ETV6: variants seen among roughly 807,000 people sequenced by gnomAD.
ETV6 encodes the protein ETS variant transcription factor 6, also known as transcription factor ETV6.
In ETV6, 16 loss-of-function variants were observed where a neutral mutation model predicts 51.1. The observed-to-expected ratio is 0.31, with a 90% CI of 0.21 to 0.48. ETV6 has a LOEUF of 0.48. Ranked by LOEUF, ETV6 falls within the 20% of genes least tolerant of loss-of-function variation. The pLI is 0.99. For missense variants in ETV6, 458 were observed against 594.8 expected (o/e 0.77, Z 2.39); for synonymous variants, 240 against 224.1 (o/e 1.07, Z -0.64).
intron 1 of ETV6, among the ~76,000 whole-genome samples, chr12:11,749,460 G>A (rs1317133720): frequency 1.3e-5 from 2 of 152,086 alleles, no homozygotes; most frequent in Non-Finnish European, 2.9e-5. Context: ...TGTTGGGGTC[G>A]CACCAGAGAA....
At chr12:11,764,530 G>T (rs750256209) in intron 2 of ETV6, among the ~76,000 whole-genome samples, 3 of 152,208 alleles carry the variant, frequency 2.0e-5, no homozygotes, top group Non-Finnish European at 4.4e-5. Context: ...GTATAAATCT[G>T]AATCCTTAAG....
At chr12:11,752,308 A>G in intron 1 of ETV6, 142 bp from the exon 2 acceptor site, 1 of 799,604 alleles carries the variant, frequency 1.3e-6, no homozygotes, top group Admixed American at 2.2e-5. Context: ...CTACGGAGAG[A>G]GTAAGCCGGA....
intron 1 of ETV6, among the ~76,000 whole-genome samples, chr12:11,701,944 G>A (rs889371167): frequency 3.9e-5 from 6 of 152,190 alleles, no homozygotes; most frequent in Admixed American, 1.3e-4. Flanking sequence ...AGGTTTGTTG[G>A]AAGAATCGCA....
Position 11,883,276 on chromosome 12 carries a change from C to CTTTTTTTT in ETV6, c.1010-1141_1010-1134dup, listed in dbSNP as rs547786286. The stretch of plus-strand genomic sequence containing the variant: ...GGGAAGGTGTACATCATGTCTTCTT[C>CTTTTTTTT]TTTTTTTTTTTTTTTTTTTTTTTTT... On this transcript the variant is annotated intron_variant, in intron 5 of 7. Coordinates refer to ENST00000396373, the MANE Select transcript of ETV6 (RefSeq NM_001987.5). Among the ~76,000 whole-genome samples, 75 of 79,064 alleles carry CTTTTTTTT rather than the reference C, an allele frequency of 9.5e-4. 1 individual carries two copies. The highest frequency in any genetic ancestry group is 3.5e-3 in the East Asian group (9 of 2,582). The allele number at this position is 79,064 out of a possible 152,430, so 51.9% of individuals were successfully genotyped here. A position where few individuals can be genotyped will look rare whatever the true frequency, so the allele number is the denominator to read the frequency against.
chr12:11,708,044 T>C (rs1237948877), intron 1 of ETV6, among the ~76,000 whole-genome samples: 1 of 152,230 alleles, frequency 6.6e-6, no homozygotes, highest in Non-Finnish European at 1.5e-5. Context: ...TATTCTGTTA[T>C]AATTTTGAAT....
chr12:11,890,124 A>ATTATT, intron 7 of ETV6, among the ~76,000 whole-genome samples: 1 of 131,074 alleles, frequency 7.6e-6, no homozygotes, highest in African/African-American at 2.9e-5. Context: ...ATTGTAAAAG[A>ATTATT]TTTTTTTTTT....
At position 11,891,194 on chromosome 12, in the gene ETV6, G is replaced by A. The variant is rs188643374; in HGVS notation, c.*148G>A. On this transcript the variant is annotated 3_prime_UTR_variant, in exon 8 of 8. Coordinates refer to ENST00000396373, the MANE Select transcript of ETV6 (RefSeq NM_001987.5). ...CAGGGACACTTCTCTTGCAGACCAA[G>A]AGGGACCCTGGAGCACCTTAGACAA... The A allele has an allele frequency of 4.6e-4, 285 of 618,132 alleles. 1 individual carries two copies. The African/African-American group carries it at 4.8e-3, about 10-fold the overall frequency. The allele number at this position is 618,132 out of a possible 1,614,324, so 38.3% of individuals were successfully genotyped here.
intron 2 of ETV6, among the ~76,000 whole-genome samples, chr12:11,782,705 C>G (rs894258689): frequency 2.6e-5 from 4 of 152,042 alleles, no homozygotes; most frequent in Admixed American, 2.0e-4. Context: ...TTGGTTATGT[C>G]CTATTTCTCT....
intron 2 of ETV6, among the ~76,000 whole-genome samples, chr12:11,783,039 A>G (rs1945434149): frequency 6.6e-6 from 1 of 152,194 alleles, no homozygotes; most frequent in Non-Finnish European, 1.5e-5. Context: ...GAAAAAAATA[A>G]GTACAAGCCA....
chr12:11,842,716 A>G (rs1946408753), intron 3 of ETV6, among the ~76,000 whole-genome samples: 1 of 152,188 alleles, frequency 6.6e-6, no homozygotes, highest in African/African-American at 2.4e-5. Flanking sequence ...TTTTTGCAAC[A>G]GACATTTTCC....
intron 5 of ETV6, among the ~76,000 whole-genome samples, chr12:11,878,761 G>A (rs1468418680): frequency 6.7e-6 from 1 of 150,290 alleles, no homozygotes; most frequent in African/African-American, 2.4e-5. Context: ...CACACACCTG[G>A]CTGCACTGGA....
Position 11,823,778 on chromosome 12 carries a change from A to G in ETV6, c.164-15362A>G, listed in dbSNP as rs1341188392. On this transcript the variant is annotated intron_variant, in intron 2 of 7. Transcript: ENST00000396373. ...CCGCACCCGGCCAGTAATTCCTTCT[A>G]TTTCGATGTTTCATCTTCACTAGAA... Among the ~76,000 whole-genome samples the G allele has an allele frequency of 3.3e-5, 5 of 151,802 alleles. No individual in the cohort carries two copies. The East Asian group carries it at 9.7e-4, about 29-fold the overall frequency.
chr12:11,877,504 G>A lies in ETV6; in HGVS notation c.1010-6941G>A, dbSNP rs542234543. Among the ~76,000 whole-genome samples, 48 of 152,288 alleles carry A rather than the reference G, an allele frequency of 3.2e-4. 1 individual carries two copies. The South Asian group carries it at 9.5e-3, about 30-fold the overall frequency. ...CATCTGTGCATAAATATCTGTGTTT[G>A]CAGGAAAGAAAAGATAGGGTTGTGG... On this transcript the variant is annotated intron_variant, in intron 5 of 7. Transcript: ENST00000396373.
intron 2 of ETV6, among the ~76,000 whole-genome samples, chr12:11,756,952 G>A (rs575028589): frequency 3.7e-4 from 56 of 152,072 alleles, no homozygotes; most frequent in African/African-American, 1.3e-3. Context: ...TTGACATTGC[G>A]CCATTTGCCC....
At chr12:11,839,335 A>G (rs367639009) in intron 3 of ETV6, 31 bp downstream of exon 3, 4 of 1,590,368 alleles carry the variant, frequency 2.5e-6, no homozygotes, top group East Asian at 2.2e-5. Context: ...CATATGCCCA[A>G]CTTGGAAAGT....
Position 11,891,043 on chromosome 12 carries a change from C to A in ETV6, c.1356C>A (p.Cys452Ter), listed in dbSNP as rs959436466. The change falls in exon 8 of 8, where the codon TGC (cysteine) becomes TGA (stop). Residue 452 changes from cysteine to a stop codon, truncating the protein, a stop_gained. Transcript: ENST00000396373. LOFTEE classifies it high-confidence loss of function. ...LDEQIYQEDEC is the reference protein window; with the variant it reads ...LDEQIYQEDE ...AACAAATATACCAAGAAGATGAATGCTGAAGGAACCAACAGTCCACCTCAG... is the reference window on the plus strand; with the variant it reads ...AACAAATATACCAAGAAGATGAATGATGAAGGAACCAACAGTCCACCTCAG... 11 of 1,611,662 alleles carry A rather than the reference C, an allele frequency of 6.8e-6. No homozygotes were observed. In the East Asian group the frequency reaches 2.2e-4, roughly 33 times the overall value.
At chr12:11,818,459 C>T (rs1044454534) in intron 2 of ETV6, among the ~76,000 whole-genome samples, 3 of 146,456 alleles carry the variant, frequency 2.0e-5, no homozygotes, top group Non-Finnish European at 4.5e-5. Flanking sequence ...ACCTGGGAGG[C>T]GGAGGTTGCA....
At chr12:11,842,049 T>C (rs1238049354) in intron 3 of ETV6, among the ~76,000 whole-genome samples, 2 of 137,198 alleles carry the variant, frequency 1.5e-5, no homozygotes, top group African/African-American at 2.8e-5. Flanking sequence ...GCCACTGCAC[T>C]CCAGCCTGGG....
intron 1 of ETV6, among the ~76,000 whole-genome samples, chr12:11,659,461 ATCT>A (rs1396235138): frequency 6.6e-6 from 1 of 152,066 alleles, no homozygotes; most frequent in Non-Finnish European, 1.5e-5. Context: ...TGCTCCTCTG[ATCT>A]TCTCCTGGAA....
Sources: allele counts gnomAD v4.1 joint callset (sites outside exome capture counted in the v4.1 genomes callset), GRCh38; gene constraint gnomAD v4.1.1; transcripts MANE v1.5; gene names NCBI Gene and HGNC (gene_info 2026-07-23, HGNC 2026-07-21).